PPL: variants seen among roughly 807,000 people sequenced by gnomAD.
PPL encodes periplakin, also known as 190 kDa paraneoplastic pemphigus antigen.
PPL carries 198 observed loss-of-function variants against 194.4 expected under a neutral mutation model. The ratio of observed to expected loss-of-function variants is 1.02; its 90% confidence interval spans 0.91 to 1.15. PPL has a LOEUF of 1.15. PPL is among the 50% of genes most tolerant of loss of function. The pLI, the probability that PPL is intolerant of heterozygous loss-of-function variation, is 0.00. For missense variants in PPL, 2,885 were observed against 2,294.8 expected, an observed-to-expected ratio of 1.26 and a Z score of -5.25; for synonymous variants, 1,220 against 972.4, an observed-to-expected ratio of 1.25 and a Z score of -4.74.
intron 1 of PPL, among the ~76,000 whole-genome samples, chr16:4,920,689 C>T (rs1251138247): frequency 6.6e-6 from 1 of 152,180 alleles, no homozygotes; most frequent in African/African-American, 2.4e-5. Flanking sequence ...TCTTGAACTC[C>T]TGATCAGGTG....
chr16:4,904,567 G>A (rs1408814241), intron 2 of PPL, among the ~76,000 whole-genome samples: 1 of 152,208 alleles, frequency 6.6e-6, no homozygotes, highest in Non-Finnish European at 1.5e-5. Flanking sequence ...AAGGATGAAA[G>A]GGACAGTGTT....
chr16:4,884,422 C>T lies in PPL; in HGVS notation c.4233G>A (p.Gln1411=), dbSNP rs1478486552. Residue 1411 remains glutamine, a synonymous_variant, in exon 22 of 22, where the codon CAG becomes CAA. Transcript: ENST00000345988. This position sits in a 1 kb window ranked among gnomAD's most constrained non-coding sequence, Gnocchi z 5.7. The part of the protein sequence containing the change: ...RQLEELERER[Q]ARREAEREVQ... Reference sequence around the variant, plus strand: ...CCTCGCGCTCGGCCTCCCTGCGGGCCTGCCGCTCGCGCTCTAGCTCCTCCA... The same window carrying T: ...CCTCGCGCTCGGCCTCCCTGCGGGCTTGCCGCTCGCGCTCTAGCTCCTCCA... 3.1e-6 allele frequency: 5 copies of T among 1,604,254 alleles called. No individual in the cohort carries two copies. In the Admixed American group the frequency reaches 6.9e-5, roughly 22 times the overall value.
chr16:4,890,645 G>T, intron 17 of PPL, 83 bp downstream of exon 17: 1 of 1,447,884 alleles, frequency 6.9e-7, no homozygotes, highest in East Asian at 2.5e-5. Flanking sequence ...CAAAATCTGT[G>T]GGACACGGCT....
intron 1 of PPL, among the ~76,000 whole-genome samples, chr16:4,926,894 AAAAAAAAACC>A (rs2089165237): frequency 1.7e-5 from 2 of 114,588 alleles, no homozygotes; most frequent in South Asian, 5.1e-4. Context: ...AAAAAAAAAC[AAAAAAAAACC>A]AAAAACAAAG....
At chr16:4,923,647 G>C (rs772423433) in intron 1 of PPL, among the ~76,000 whole-genome samples, 1 of 151,746 alleles carries the variant, frequency 6.6e-6, no homozygotes, top group Non-Finnish European at 1.5e-5. Context: ...GGCAGGGAAC[G>C]TAGCCTGTGT....
intron 3 of PPL, 67 bp downstream of exon 3, chr16:4,903,819 C>A: frequency 1.3e-6 from 2 of 1,582,828 alleles, no homozygotes; most frequent in South Asian, 1.1e-5. Context: ...AAATGCTGAA[C>A]AGGACCCCCC....
rs1455847072 is a variant in PPL, at chr16:4,895,672, C to T, written c.1017G>A (p.Val339=). The T allele has an allele frequency of 1.2e-5, 20 of 1,613,898 alleles. No individual in the cohort carries two copies. Among genetic ancestry groups the T allele is most frequent in the Non-Finnish European group, 1.6e-5 (19 of 1,180,016 alleles). ...CATACTTCTGGTTCAGGTCCGAGTC[C>T]ACCTTGCGCAGCAGCTCCTGAGCGT... ...VKDAQELLRK[V]DSDLNQKYGP... is the part of the protein sequence containing the mutation. The change falls in exon 10 of 22, where the codon GTG becomes GTA. Residue 339 remains valine (V), a synonymous_variant. Coordinates refer to ENST00000345988, the MANE Select transcript of PPL (RefSeq NM_002705.5).
intron 1 of PPL, among the ~76,000 whole-genome samples, chr16:4,930,923 G>A (rs1416083249): frequency 6.6e-6 from 1 of 152,192 alleles, no homozygotes; most frequent in Non-Finnish European, 1.5e-5. Context: ...GCAGCTGGAG[G>A]TATGGTCAGA....
Position 4,902,538 on chromosome 16 carries a change from G to A in PPL, c.318-12C>T. On this transcript the variant is annotated splice_polypyrimidine_tract_variant and intron_variant, in intron 3 of 21. Transcript: ENST00000345988. This position sits in a 1 kb window ranked among gnomAD's most constrained non-coding sequence, Gnocchi z 4.0. Reference sequence around the variant, plus strand: ...TCAGCTGGCGGATACTGATGGGAGAGAGGCTCCCACTTAGTGGGGCTGGTT... The same window carrying A: ...TCAGCTGGCGGATACTGATGGGAGAAAGGCTCCCACTTAGTGGGGCTGGTT... 1 of 1,611,916 alleles carries A rather than the reference G, an allele frequency of 6.2e-7. No individual in the cohort carries two copies. The highest frequency in any genetic ancestry group is 1.1e-5 in the South Asian group (1 of 90,500).
chr16:4,882,906 G>C lies in PPL; in HGVS notation c.*478C>G, dbSNP rs1264042063. On this transcript the variant is annotated 3_prime_UTR_variant, in exon 22 of 22. Coordinates refer to ENST00000345988, the MANE Select transcript of PPL (RefSeq NM_002705.5). ...AACTACTGAGGAGGCTTCTCGGATG[G>C]AAAGTTGGTTTTAAGCCAGAAATCT... The C allele has an allele frequency of 5.7e-6, 1 of 176,930 alleles. No homozygotes were observed. The highest frequency in any genetic ancestry group is 1.2e-5 in the Non-Finnish European group (1 of 84,466). 11.0% of individuals were successfully genotyped at this position (176,930 alleles called of 1,614,324 possible). A position where few individuals can be genotyped will look rare whatever the true frequency, so the allele number is the denominator to read the frequency against.
In PPL at chr16:4,932,992, G is replaced by A. The variant is rs576933645; in HGVS notation, c.62+3992C>T. On this transcript the variant is annotated intron_variant, in intron 1 of 21. Coordinates refer to ENST00000345988, the MANE Select transcript of PPL (RefSeq NM_002705.5). The stretch of plus-strand genomic sequence containing the variant: ...TCATGCCCAGCTAGCATCAAACACT[G>A]TGTTCTTGCTTTTTTTTTTTTCTTT... Among the ~76,000 whole-genome samples, 4 of 147,716 alleles carry A rather than the reference G, an allele frequency of 2.7e-5. No individual in the cohort carries two copies. The East Asian group carries it at 7.8e-4, about 29-fold the overall frequency.
intron 12 of PPL, among the ~76,000 whole-genome samples, chr16:4,894,239 C>T (rs2088375457): frequency 6.6e-6 from 1 of 152,144 alleles, no homozygotes; most frequent in Admixed American, 6.5e-5. Flanking sequence ...CTTAGAAACT[C>T]GTGAGGGGGC....
Position 4,888,221 on chromosome 16 carries a change from G to A in PPL, c.2398-3C>T, listed in dbSNP as rs2088250518. On this transcript the variant is annotated splice_region_variant and splice_polypyrimidine_tract_variant and intron_variant, in intron 19 of 21. Coordinates refer to ENST00000345988, the MANE Select transcript of PPL (RefSeq NM_002705.5). ...TTTTCTGCTTCTAACTCATAGTCCT[G>A]CATGAGGGAGAGACATGGCAGAGGG... 1 of 1,572,748 alleles carries A rather than the reference G, an allele frequency of 6.4e-7. No homozygotes were observed. The highest frequency in any genetic ancestry group is 8.8e-7 in the Non-Finnish European group (1 of 1,142,406).
At chr16:4,934,246 C>A (rs1056876957) in intron 1 of PPL, among the ~76,000 whole-genome samples, 1 of 151,986 alleles carries the variant, frequency 6.6e-6, no homozygotes, top group African/African-American at 2.4e-5. Flanking sequence ...CACCCTGTCC[C>A]GGCCCTCCCC....
chr16:4,932,295 C>G (rs986210565), intron 1 of PPL, among the ~76,000 whole-genome samples: 1 of 152,218 alleles, frequency 6.6e-6, no homozygotes, highest in Non-Finnish European at 1.5e-5. Context: ...CTGTTACCCA[C>G]ATGGGTCCCC....
In PPL at chr16:4,937,015, C is replaced by G. The variant is rs779928355; in HGVS notation, c.31G>C (p.Gly11Arg). Residue 11 changes from glycine (G) to arginine (R), a missense_variant, in exon 1 of 22, where the codon GGC (glycine) becomes CGC (arginine). Gly to Arg is a moderately radical substitution (Grantham distance 125). Transcript: ENST00000345988. MNSLFRKRNKGKYSPTVQTRS... is the reference protein window; with the variant it reads MNSLFRKRNKRKYSPTVQTRS... Reference sequence around the variant, plus strand: ...GTCTGCACAGTGGGGCTGTATTTGCCTTTGTTTCTCTTCCTGAAGAGCGAG... The same window carrying G: ...GTCTGCACAGTGGGGCTGTATTTGCGTTTGTTTCTCTTCCTGAAGAGCGAG... The G allele has an allele frequency of 2.6e-6, 4 of 1,533,662 alleles. No individual in the cohort carries two copies. The highest frequency in any genetic ancestry group is 2.0e-5 in the Admixed American group (1 of 50,952).
intron 2 of PPL, among the ~76,000 whole-genome samples, chr16:4,906,437 G>T (rs925917802): frequency 2.6e-5 from 4 of 152,098 alleles, no homozygotes; most frequent in African/African-American, 9.7e-5. Flanking sequence ...GTGTTAGCCA[G>T]GATGGTCTCG....
chr16:4,893,544 C>CG lies in PPL; in HGVS notation c.1488dup (p.Gly497ArgfsTer5). The stretch of plus-strand genomic sequence containing the variant: ...GGCGAGTGGCCCTGGCACCCACCTC[C>CG]GGGATTCTCGGTCTTCAGCACCTCA... On this transcript the variant is annotated frameshift_variant, in exon 13 of 22. Coordinates refer to ENST00000345988, the MANE Select transcript of PPL (RefSeq NM_002705.5). LOFTEE classifies it high-confidence loss of function. 1 of 1,612,406 alleles carries CG rather than the reference C, an allele frequency of 6.2e-7. No homozygotes were observed. The highest frequency in any genetic ancestry group is 8.5e-7 in the Non-Finnish European group (1 of 1,179,748).
intron 1 of PPL, among the ~76,000 whole-genome samples, chr16:4,914,131 C>T (rs2088872366): frequency 6.6e-6 from 1 of 152,188 alleles, no homozygotes; most frequent in Non-Finnish European, 1.5e-5. Context: ...CCAATGAGGA[C>T]ACGCCATAGA....
Sources: gnomAD v4.1 joint callset for allele counts (sites outside exome capture counted in the v4.1 genomes callset) on GRCh38, gnomAD v4.1.1 for gene constraint, Gnocchi (gnomAD v3.1) non-coding constraint, MANE v1.5 for transcripts, NCBI Gene and HGNC (gene_info 2026-07-23, HGNC 2026-07-21) for gene names.